The following OPA1 variants were observed in gnomAD, a reference collection of about 807,000 sequenced individuals.
The protein encoded by OPA1 is OPA1 mitochondrial dynamin like GTPase.
OPA1 carries 59 observed loss-of-function variants against 152.9 expected under a neutral mutation model. The ratio of observed to expected loss-of-function variants is 0.39; its 90% CI spans 0.31 to 0.48. OPA1 has a LOEUF of 0.48. Ranked by LOEUF, OPA1 falls within the 20% of genes least tolerant of loss-of-function variation. The pLI is 0.96. For synonymous variants in OPA1, 400 were observed against 389.9 expected (o/e 1.03, Z -0.31); for missense variants, 1,008 against 1,216.8 (o/e 0.83, Z 2.55).
intron 5 of OPA1, 113 bp downstream of exon 5, chr3:193,617,950 A>G (rs1329614296): frequency 1.3e-6 from 1 of 749,088 alleles, no homozygotes; most frequent in East Asian, 2.6e-5. Flanking sequence ...GCTGAATTTT[A>G]AAACCCCAGA....
chr3:193,674,023 A>G (rs1390871848), intron 29 of OPA1, among the ~76,000 whole-genome samples: 1 of 152,134 alleles, frequency 6.6e-6, no homozygotes, highest in Non-Finnish European at 1.5e-5. Context: ...GCTTGTGGGG[A>G]TTAGAGAGTC....
At chr3:193,605,648 C>T (rs971081331) in intron 1 of OPA1, among the ~76,000 whole-genome samples, 3 of 152,154 alleles carry the variant, frequency 2.0e-5, no homozygotes, top group Non-Finnish European at 4.4e-5. Flanking sequence ...AATTCTAGTT[C>T]AGGAGAATCA....
chr3:193,654,724 C>A, intron 21 of OPA1, 138 bp from the exon 22 acceptor site: 1 of 795,664 alleles, frequency 1.3e-6, no homozygotes, highest in Non-Finnish European at 2.0e-6. Flanking sequence ...GTGCGATTTA[C>A]AGGTATATAC....
intron 29 of OPA1, among the ~76,000 whole-genome samples, chr3:193,691,174 C>T (rs756237335): frequency 1.3e-5 from 2 of 152,174 alleles, no homozygotes. Flanking sequence ...TAAGCCCTGC[C>T]AACACCACTG....
chr3:193,610,545 C>T (rs1178036250), intron 1 of OPA1, among the ~76,000 whole-genome samples: 2 of 152,106 alleles, frequency 1.3e-5, no homozygotes, highest in East Asian at 1.9e-4. Context: ...CTGGGAGAAC[C>T]ACTGCTCTCT....
At chr3:193,668,543 C>T in intron 29 of OPA1, 3 of 1,548,492 alleles carry the variant, frequency 1.9e-6, no homozygotes, top group Non-Finnish European at 2.6e-6. Flanking sequence ...AGACAGATTC[C>T]TTCCTCACCT....
At position 193,647,067 on chromosome 3, in the gene OPA1, C is replaced by G; in HGVS notation, c.1757C>G (p.Thr586Arg). 6.2e-7 allele frequency: 1 copy of G among 1,601,434 alleles called. No homozygotes were observed. The highest frequency in any genetic ancestry group is 8.5e-7 in the Non-Finnish European group (1 of 1,170,636). ...CTCTTGTTATTTTTTTTTAATAGGA[C>G]AAGCATGCTAAAGGCACACCAAGTG... Reference protein sequence around the residue: ...EFFQNSKLLKTSMLKAHQVTT... With the variant: ...EFFQNSKLLKRSMLKAHQVTT... Residue 586 changes from threonine to arginine, a missense_variant and splice_region_variant, in exon 19 of 31, where the codon ACA becomes AGA. Physicochemically the swap from Thr to Arg is moderately conservative, Grantham distance 71 (BLOSUM62 -1). Coordinates refer to ENST00000361510, the MANE Select transcript of OPA1 (RefSeq NM_130837.3).
At chr3:193,670,129 C>T (rs1717585978) in intron 29 of OPA1, among the ~76,000 whole-genome samples, 1 of 152,054 alleles carries the variant, frequency 6.6e-6, no homozygotes, top group South Asian at 2.1e-4. Context: ...GTCATGGATA[C>T]TTCAGCCAGA....
intron 9 of OPA1, among the ~76,000 whole-genome samples, chr3:193,635,820 T>G (rs1732845654): frequency 6.6e-6 from 1 of 152,334 alleles, no homozygotes; most frequent in South Asian, 2.1e-4. Flanking sequence ...ACATAAAATT[T>G]TATATAAAAT....
Position 193,593,276 on chromosome 3 carries a change from G to T in OPA1, c.-102G>T. ...GCGGCTCTGTGCCCTTGCTGCTGAGGGCCACTTCCTGGGTCATTCCTGGAC... is the reference window on the plus strand; with the variant it reads ...GCGGCTCTGTGCCCTTGCTGCTGAGTGCCACTTCCTGGGTCATTCCTGGAC... On this transcript the variant is annotated 5_prime_UTR_variant, in exon 1 of 31. Transcript: ENST00000361510. 1 of 1,258,108 alleles carries T rather than the reference G, an allele frequency of 7.9e-7. No individual in the cohort carries two copies. The allele number at this position is 1,258,108 out of a possible 1,614,324, so 77.9% of individuals were successfully genotyped here. A position where few individuals can be genotyped will look rare whatever the true frequency, so the allele number is the denominator to read the frequency against.
At chr3:193,684,012 A>C (rs1199950050) in intron 29 of OPA1, among the ~76,000 whole-genome samples, 2 of 152,190 alleles carry the variant, frequency 1.3e-5, no homozygotes, top group African/African-American at 4.8e-5. Flanking sequence ...TGGAAAGCAG[A>C]GGTCATTCCA....
At position 193,697,037 on chromosome 3, in the gene OPA1, A is replaced by T. The variant is rs1364093402; in HGVS notation, c.*2437A>T. 3.3e-5 allele frequency: 5 copies of T among 152,204 alleles called. No individual in the cohort carries two copies. The highest frequency in any genetic ancestry group is 9.7e-5 in the African/African-American group (4 of 41,450). The allele number at this position is 152,204 out of a possible 1,614,324, so 9.4% of individuals were successfully genotyped here. On this transcript the variant is annotated 3_prime_UTR_variant, in exon 31 of 31. Coordinates refer to ENST00000361510, the MANE Select transcript of OPA1 (RefSeq NM_130837.3). ...CTTTCTGCAAATTATTCAGCCTCCA[A>T]ATGCAAATGAATGATATAAAAATAA...
Position 193,626,207 on chromosome 3 carries a change from TG to T in OPA1, c.789+7del, listed in dbSNP as rs768105035. ...TATGCCCAACAGAAGCGCAAGGTGA[TG>T]GATGGTTTAAGGGGGCTACCGATAC... On this transcript the variant is annotated splice_donor_region_variant and intron_variant, in intron 7 of 30. Transcript: ENST00000361510. 6.2e-7 allele frequency: 1 copy of T among 1,608,808 alleles called. No individual in the cohort carries two copies. The highest frequency in any genetic ancestry group is 1.7e-5 in the Admixed American group (1 of 60,006).
intron 29 of OPA1, among the ~76,000 whole-genome samples, chr3:193,679,938 T>A (rs2109387474): frequency 6.6e-6 from 1 of 152,342 alleles, no homozygotes; most frequent in East Asian, 1.9e-4. Context: ...TGAGCCTGAT[T>A]CTCACTCAGT....
At chr3:193,677,291 C>CTTTTTTTTTTT (rs752472474) in intron 29 of OPA1, among the ~76,000 whole-genome samples, 50 of 125,442 alleles carry the variant, frequency 4.0e-4, no homozygotes, top group Admixed American at 5.0e-4. Context: ...TCTTTTACTT[C>CTTTTTTTTTTT]TTTTTTTTTT....
intron 7 of OPA1, chr3:193,627,344 AAAG>A (rs1161226102): frequency 1.3e-5 from 2 of 152,204 alleles, no homozygotes; most frequent in African/African-American, 2.4e-5. Context: ...TAGAAAAAGA[AAAG>A]AAGTGAGTTT....
At chr3:193,673,163 T>C (rs1482670688) in intron 29 of OPA1, among the ~76,000 whole-genome samples, 1 of 152,210 alleles carries the variant, frequency 6.6e-6, no homozygotes, top group East Asian at 1.9e-4. Context: ...TTTTCACTAC[T>C]GTGCCAGAAT....
chr3:193,651,908 TAAAAA>T (rs35437625), intron 21 of OPA1, among the ~76,000 whole-genome samples: 2 of 151,568 alleles, frequency 1.3e-5, no homozygotes, highest in African/African-American at 4.8e-5. Context: ...TACTTTAAAA[TAAAAA>T]AAAATCCATT....
intron 22 of OPA1, among the ~76,000 whole-genome samples, chr3:193,655,418 A>G (rs928317624): frequency 6.6e-6 from 1 of 152,226 alleles, no homozygotes; most frequent in Non-Finnish European, 1.5e-5. Flanking sequence ...ATTTCATCTG[A>G]GCTCAGTTAT....
Sources: allele counts gnomAD v4.1 joint callset (sites outside exome capture counted in the v4.1 genomes callset), GRCh38; gene constraint gnomAD v4.1.1; transcripts MANE v1.5; gene names NCBI Gene and HGNC (gene_info 2026-07-23, HGNC 2026-07-21).